ROBO2: variants seen among roughly 807,000 people sequenced by gnomAD.
The protein encoded by ROBO2 is roundabout homolog 2.
Under a neutral mutation model 160.8 loss-of-function variants are expected in ROBO2, and 53 were observed. The ratio of observed to expected loss-of-function variants is 0.33; its 90% CI spans 0.26 to 0.41. ROBO2 has a LOEUF of 0.41. Ranked by LOEUF, ROBO2 falls within the 10% of genes least tolerant of loss-of-function variation. The pLI is 1.00. For synonymous variants in ROBO2, 664 were observed against 611.7 expected (o/e 1.09, Z -1.26); for missense variants, 1,577 against 1,722.4 (o/e 0.92, Z 1.49).
At chr3:76,354,256 C>G (rs1040443068) in intron 2 of ROBO2, among the ~76,000 whole-genome samples, 1 of 151,700 alleles carries the variant, frequency 6.6e-6, no homozygotes, top group Non-Finnish European at 1.5e-5. Context: ...TTTTTCTGTT[C>G]TTAGTAAGAA....
intron 2 of ROBO2, among the ~76,000 whole-genome samples, chr3:76,688,030 C>T (rs926957958): frequency 2.0e-5 from 3 of 151,696 alleles, no homozygotes; most frequent in African/African-American, 7.2e-5. Context: ...TATATTTTTT[C>T]TCCTTATTAG....
intron 2 of ROBO2, among the ~76,000 whole-genome samples, chr3:76,726,666 C>A (rs1056891578): frequency 3.3e-5 from 5 of 152,132 alleles, no homozygotes; most frequent in South Asian, 2.1e-4. Context: ...TGACCTATTT[C>A]TTTTCTGAAA....
At chr3:77,456,308 T>C (rs954414219) in intron 2 of ROBO2, among the ~76,000 whole-genome samples, 2 of 152,182 alleles carry the variant, frequency 1.3e-5, no homozygotes, top group Admixed American at 6.5e-5. Context: ...TAATTATTTA[T>C]GTTTTGTTGG....
chr3:77,493,183 G>A lies in ROBO2; in HGVS notation c.668-61G>A, dbSNP rs188137836. On this transcript the variant is annotated intron_variant, in intron 4 of 25. Transcript: ENST00000461745. ...AGGTTTCCTTTGCTTTTTTCATAAT[G>A]TACTTAAAGCATGCATAATAGTTTA... is the stretch of plus-strand genomic sequence containing the variant. 5,662 of 1,558,770 alleles carry A rather than the reference G, an allele frequency of 3.6e-3. 18 individuals are homozygous for A. Among genetic ancestry groups the A allele is most frequent in the Non-Finnish European group, 4.3e-3 (4,853 of 1,132,130 alleles).
At chr3:77,163,997 C>T (rs1411902349) in intron 2 of ROBO2, among the ~76,000 whole-genome samples, 1 of 152,144 alleles carries the variant, frequency 6.6e-6, no homozygotes. Flanking sequence ...ATCAACTTCC[C>T]ACTGCATAGA....
At chr3:77,305,780 G>A (rs2063047601) in intron 2 of ROBO2, among the ~76,000 whole-genome samples, 1 of 152,100 alleles carries the variant, frequency 6.6e-6, no homozygotes, top group African/African-American at 2.4e-5. Context: ...CTTCTTTCAT[G>A]GGACAATAGC....
chr3:75,985,711 A>G (rs1011510865), intron 2 of ROBO2, among the ~76,000 whole-genome samples: 1 of 151,528 alleles, frequency 6.6e-6, no homozygotes, highest in Non-Finnish European at 1.5e-5. Flanking sequence ...CTGTCGACCC[A>G]TTAATCAATA....
At chr3:75,931,014 C>G (rs1486311204) in intron 1 of ROBO2, among the ~76,000 whole-genome samples, 1 of 152,216 alleles carries the variant, frequency 6.6e-6, no homozygotes, top group Non-Finnish European at 1.5e-5. Context: ...TTCTGGTGTA[C>G]TTGGACTAAG....
chr3:76,476,822 T>C (rs1322418839), intron 2 of ROBO2, among the ~76,000 whole-genome samples: 1 of 146,322 alleles, frequency 6.8e-6, no homozygotes, highest in Non-Finnish European at 1.5e-5. Context: ...ACACCTAATT[T>C]ATATTCTTGG....
chr3:76,613,016 GT>G (rs2088261675), intron 2 of ROBO2, among the ~76,000 whole-genome samples: 2 of 151,932 alleles, frequency 1.3e-5, no homozygotes, highest in South Asian at 2.1e-4. Flanking sequence ...ATTCGGTCTT[GT>G]TTTTTTCTTC....
intron 2 of ROBO2, among the ~76,000 whole-genome samples, chr3:77,220,247 T>C (rs1475915361): frequency 6.6e-6 from 1 of 152,072 alleles, no homozygotes; most frequent in East Asian, 1.9e-4. Context: ...CCTGACCTCA[T>C]GATCCGCCCA....
chr3:76,664,625 A>G (rs1370687673), intron 2 of ROBO2, among the ~76,000 whole-genome samples: 2 of 152,152 alleles, frequency 1.3e-5, no homozygotes, highest in Non-Finnish European at 2.9e-5. Flanking sequence ...AAGAATTTTA[A>G]AAAGCTATGT....
At chr3:76,069,285 A>G (rs1202634011) in intron 2 of ROBO2, among the ~76,000 whole-genome samples, 4 of 152,196 alleles carry the variant, frequency 2.6e-5, no homozygotes, top group South Asian at 4.1e-4. Flanking sequence ...ATAAATGATA[A>G]TTTTATTCTT....
At chr3:76,907,821 G>GTTT (rs1485646937) in intron 2 of ROBO2, among the ~76,000 whole-genome samples, 2 of 76,114 alleles carry the variant, frequency 2.6e-5, no homozygotes, top group Non-Finnish European at 2.8e-5. Context: ...TTGTTTGTTT[G>GTTT]GGGTGTGTGT....
rs1169307424 is a variant in ROBO2 at position 76,677,958 on chromosome 3, CTTTTTTTTTTTTTT to C, written c.110-420040_110-420027del. Among the ~76,000 whole-genome samples the C allele has an allele frequency of 2.8e-3, 82 of 29,402 alleles. 2 individuals carry two copies. The highest frequency in any genetic ancestry group is 9.3e-3 in the African/African-American group (71 of 7,666). 19.3% of individuals were successfully genotyped at this position (29,402 alleles called of 152,430 possible). A position where few individuals can be genotyped will look rare whatever the true frequency, so the allele number is the denominator to read the frequency against. ...TTCTCTCACAGAGAAAGAAAATATGCTTTTTTTTTTTTTTTTTTTTTTTTTTTTTGAGATAGAGT... is the reference window on the plus strand; with the variant it reads ...TTCTCTCACAGAGAAAGAAAATATGCTTTTTTTTTTTTTTTGAGATAGAGT... On this transcript the variant is annotated intron_variant, in intron 2 of 26. Coordinates refer to the ROBO2 transcript ENST00000487694.
chr3:77,568,643 G>GT (rs1382589638), intron 13 of ROBO2, among the ~76,000 whole-genome samples: 1 of 151,998 alleles, frequency 6.6e-6, no homozygotes, highest in Non-Finnish European at 1.5e-5. Flanking sequence ...GGCATATCCT[G>GT]TCTTCTGAAT....
At chr3:76,459,718 A>G (rs941212636) in intron 2 of ROBO2, among the ~76,000 whole-genome samples, 1 of 152,222 alleles carries the variant, frequency 6.6e-6, no homozygotes, top group Non-Finnish European at 1.5e-5. Context: ...ATAAATTGCC[A>G]ACATTATTGG....
At chr3:77,194,522 G>A (rs563805746) in intron 2 of ROBO2, among the ~76,000 whole-genome samples, 2 of 151,962 alleles carry the variant, frequency 1.3e-5, no homozygotes, top group Non-Finnish European at 2.9e-5. Context: ...AGAAAAATGA[G>A]TTCATTTATT....
intron 14 of ROBO2, among the ~76,000 whole-genome samples, chr3:77,575,348 T>C (rs1481464492): frequency 6.6e-6 from 1 of 152,092 alleles, no homozygotes; most frequent in Non-Finnish European, 1.5e-5. Flanking sequence ...ATAATAAATG[T>C]TGTCATTAAA....
Sources: allele counts gnomAD v4.1 joint callset (sites outside exome capture counted in the v4.1 genomes callset), GRCh38; gene constraint gnomAD v4.1.1; transcripts MANE v1.5; gene names NCBI Gene and HGNC (gene_info 2026-07-23, HGNC 2026-07-21).